Variants in RELCH observed in about 807,000 individuals in gnomAD.
RELCH encodes RAB11 binding and LisH domain, coiled-coil and HEAT repeat containing.
A neutral mutation model predicts 150.3 loss-of-function variants in RELCH; 41 were observed. That is an observed-to-expected ratio of 0.27 (90% CI 0.21 to 0.35). The LOEUF is 0.35. Among genes scored for constraint, RELCH ranks in the 10% least tolerant of loss-of-function variants. The pLI is 1.00. For synonymous variants in RELCH, 478 were observed against 531.8 expected, an observed-to-expected ratio of 0.90 and a Z score of 1.39; for missense variants, 1,092 against 1,467.8, an observed-to-expected ratio of 0.74 and a Z score of 4.18.
chr18:62,243,523 A>G (rs1038555089), intron 10 of RELCH, among the ~76,000 whole-genome samples: 2 of 152,144 alleles, frequency 1.3e-5, no homozygotes, highest in African/African-American at 2.4e-5. Context: ...TTTTTTTCTC[A>G]GATATATTCT....
At chr18:62,199,464 T>TAG (rs1202700688) in intron 1 of RELCH, among the ~76,000 whole-genome samples, 1 of 152,184 alleles carries the variant, frequency 6.6e-6, no homozygotes. Flanking sequence ...TATAGAAAAT[T>TAG]TATCTGTGTA....
chr18:62,281,519 T>TA (rs2044514624), intron 24 of RELCH, among the ~76,000 whole-genome samples: 1 of 152,252 alleles, frequency 6.6e-6, no homozygotes, highest in South Asian at 2.1e-4. Context: ...ATTCTGAAAC[T>TA]AATTTCAAGT....
At chr18:62,277,540 A>AT in intron 22 of RELCH, 1 of 727,496 alleles carries the variant, frequency 1.4e-6, no homozygotes, top group Non-Finnish European at 1.7e-6. Flanking sequence ...AAAAAAGTTA[A>AT]TTCAAAATAA....
chr18:62,224,822 T>A (rs1307669262), intron 5 of RELCH, among the ~76,000 whole-genome samples: 2 of 152,124 alleles, frequency 1.3e-5, no homozygotes, highest in Non-Finnish European at 2.9e-5. Flanking sequence ...GTATTTTCAA[T>A]GAAATCTAAA....
chr18:62,198,040 AT>A (rs2039166463), intron 1 of RELCH, among the ~76,000 whole-genome samples: 2 of 152,230 alleles, frequency 1.3e-5, no homozygotes. Flanking sequence ...AAAATTGATC[AT>A]TTAAAAAATA....
intron 5 of RELCH, 30 bp from the exon 6 acceptor site, chr18:62,227,259 G>T: frequency 3.5e-6 from 5 of 1,420,572 alleles, no homozygotes; most frequent in Non-Finnish European, 4.8e-6. Context: ...TTTCCTCGAA[G>T]ATTTTTTATG....
intron 1 of RELCH, among the ~76,000 whole-genome samples, chr18:62,204,385 G>T (rs1461512845): frequency 2.6e-5 from 4 of 152,012 alleles, no homozygotes; most frequent in African/African-American, 9.7e-5. Context: ...ACCCAGGCTG[G>T]AATGCAGTGT....
At chr18:62,198,530 C>T (rs1171634799) in intron 1 of RELCH, among the ~76,000 whole-genome samples, 2 of 152,148 alleles carry the variant, frequency 1.3e-5, no homozygotes, top group South Asian at 4.1e-4. Flanking sequence ...TAAGATTGCT[C>T]AAGGTAGTAT....
chr18:62,266,293 C>T (rs1398976579), intron 18 of RELCH, among the ~76,000 whole-genome samples: 3 of 151,708 alleles, frequency 2.0e-5, no homozygotes, highest in Non-Finnish European at 3.0e-5. Flanking sequence ...ATTTCCTTTT[C>T]GTTTTTTAAA....
rs2045928625 is a variant in RELCH at position 62,308,182 on chromosome 18, T to C, written c.*2648T>C. The C allele has an allele frequency of 6.6e-6, 1 of 152,200 alleles. No homozygotes were observed. Among genetic ancestry groups the C allele is most frequent in the Non-Finnish European group, 1.5e-5 (1 of 68,034 alleles). The allele number at this position is 152,200 out of a possible 1,614,324, so 9.4% of individuals were successfully genotyped here. ...TCTCTTAAAATTTAGAGAGGTGAGA[T>C]CAGGATGTATTGAATTGTCTTTTCA... On this transcript the variant is annotated 3_prime_UTR_variant, in exon 29 of 29. Transcript: ENST00000644646.
chr18:62,209,647 CAAA>C (rs35985070), intron 1 of RELCH, among the ~76,000 whole-genome samples: 3 of 144,986 alleles, frequency 2.1e-5, no homozygotes, highest in Non-Finnish European at 4.5e-5. Flanking sequence ...TCAATTTCTG[CAAA>C]AAAAAAAAAG....
At chr18:62,255,281 C>A (rs1441541779) in intron 12 of RELCH, 126 bp from the exon 13 acceptor site, 8 of 718,246 alleles carry the variant, frequency 1.1e-5, no homozygotes, top group African/African-American at 8.9e-5. Context: ...AACAGGGATT[C>A]CCAGAAGTGG....
intron 8 of RELCH, 107 bp downstream of exon 8, chr18:62,228,705 T>TAAAA: frequency 1.3e-6 from 1 of 776,170 alleles, no homozygotes; most frequent in Non-Finnish European, 2.0e-6. Context: ...AGATCAAATA[T>TAAAA]ATTAATTTTT....
chr18:62,252,904 T>TA, intron 12 of RELCH, 150 bp downstream of exon 12: 2 of 633,680 alleles, frequency 3.2e-6, no homozygotes, highest in East Asian at 5.5e-5. Flanking sequence ...TATTAGTACT[T>TA]ACGAATGCTC....
At chr18:62,235,251 C>T (rs2041822914) in intron 10 of RELCH, 1 of 152,006 alleles carries the variant, frequency 6.6e-6, no homozygotes. Context: ...AGTCTTGCTA[C>T]TTTTGTCAAA....
At chr18:62,200,366 T>C (rs992853383) in intron 1 of RELCH, among the ~76,000 whole-genome samples, 6 of 152,162 alleles carry the variant, frequency 3.9e-5, no homozygotes, top group Non-Finnish European at 7.3e-5. Flanking sequence ...GCTTAGTAAA[T>C]ACTGCATAAG....
Position 62,202,764 on chromosome 18 carries a change from TAGAA to T in RELCH, c.527-8388_527-8385del, listed in dbSNP as rs540327773. ...GGCTTGTATATATGATTTAAAATATTAGAAGGAAGATGAAAAAGACTTAGTAAAC... is the reference window on the plus strand; with the variant it reads ...GGCTTGTATATATGATTTAAAATATTGGAAGATGAAAAAGACTTAGTAAAC... On this transcript the variant is annotated intron_variant, in intron 1 of 28. Coordinates refer to ENST00000644646, the MANE Select transcript of RELCH (RefSeq NM_001346231.2). 3.9e-5 allele frequency among the ~76,000 whole-genome samples: 6 copies of T among 152,280 alleles called. No homozygotes were observed. The East Asian group carries it at 1.2e-3, about 29-fold the overall frequency.
chr18:62,187,724 G>T lies in RELCH; in HGVS notation c.219G>T (p.Gly73=), dbSNP rs752210464. The change falls in exon 1 of 29, where the codon GGG becomes GGT. Residue 73 remains glycine (G), a synonymous_variant. Coordinates refer to ENST00000644646, the MANE Select transcript of RELCH (RefSeq NM_001346231.2). The stretch of plus-strand genomic sequence containing the variant: ...GCAGTGCGCGGCCAGGGCTCCCTGG[G>T]GAGGCGTCGGCGGCTGCAGTGGCCC... ...LGSSARPGLP[G]EASAAAVALG... is the part of the protein sequence containing the mutation. The T allele has an allele frequency of 2.9e-5, 47 of 1,608,404 alleles. No individual in the cohort carries two copies. The highest frequency in any genetic ancestry group is 3.7e-5 in the Non-Finnish European group (43 of 1,176,156).
chr18:62,298,469 G>T (rs1267156064), intron 27 of RELCH, among the ~76,000 whole-genome samples: 5 of 152,116 alleles, frequency 3.3e-5, no homozygotes, highest in Admixed American at 1.3e-4. Flanking sequence ...TAGTGTGTGT[G>T]TATGTTAAAT....
Sources: gnomAD v4.1 joint callset for allele counts (sites outside exome capture counted in the v4.1 genomes callset) on GRCh38, gnomAD v4.1.1 for gene constraint, MANE v1.5 for transcripts, NCBI Gene and HGNC (gene_info 2026-07-23, HGNC 2026-07-21) for gene names.